CUX2: variants seen among roughly 807,000 people sequenced by gnomAD.
CUX2 encodes cut like homeobox 2, also known as homeobox protein cut-like 2.
In CUX2, 40 loss-of-function variants were observed where a neutral mutation model predicts 144.8. The ratio of observed to expected loss-of-function variants is 0.28; its 90% CI spans 0.21 to 0.36. The LOEUF is 0.36. Ranked by LOEUF, CUX2 falls within the 10% of genes least tolerant of loss-of-function variation. The probability of loss-of-function intolerance (pLI) is 1.00; values close to 1 mark genes in which losing one functional copy is unlikely to be tolerated. For synonymous variants in CUX2, 827 were observed against 875.6 expected (o/e 0.94, Z 0.98); for missense variants, 1,615 against 1,994.0 (o/e 0.81, Z 3.62).
chr12:111,063,515 C>G (rs535104710), intron 1 of CUX2, among the ~76,000 whole-genome samples: 2 of 152,348 alleles, frequency 1.3e-5, no homozygotes, highest in South Asian at 4.1e-4. Flanking sequence ...GCGGCACCAT[C>G]GCCTCCCACA....
chr12:111,182,953 G>A (rs908337630), intron 1 of CUX2, among the ~76,000 whole-genome samples: 3 of 152,150 alleles, frequency 2.0e-5, no homozygotes, highest in South Asian at 2.1e-4. Flanking sequence ...CAACTGCCCC[G>A]GATCCTGTAC....
intron 1 of CUX2, among the ~76,000 whole-genome samples, chr12:111,159,889 G>A (rs1361720613): frequency 6.6e-6 from 1 of 152,186 alleles, no homozygotes; most frequent in Non-Finnish European, 1.5e-5. Context: ...GCCAGGGAGG[G>A]TGATGCACAC....
intron 21 of CUX2, among the ~76,000 whole-genome samples, chr12:111,345,006 T>C (rs1888730193): frequency 6.6e-6 from 1 of 152,088 alleles, no homozygotes; most frequent in South Asian, 2.1e-4. Flanking sequence ...TGACCTCAAG[T>C]GATCCACCTG....
intron 1 of CUX2, among the ~76,000 whole-genome samples, chr12:111,108,401 A>C (rs1290929865): frequency 6.6e-6 from 1 of 152,194 alleles, no homozygotes; most frequent in Non-Finnish European, 1.5e-5. Context: ...TCTTTTGCCC[A>C]ATAATTTTAG....
chr12:111,083,457 G>A (rs1427531614), intron 1 of CUX2, among the ~76,000 whole-genome samples: 1 of 152,140 alleles, frequency 6.6e-6, no homozygotes, highest in Non-Finnish European at 1.5e-5. Context: ...GAGTCCTTTG[G>A]GGTGAGTGGA....
intron 1 of CUX2, among the ~76,000 whole-genome samples, chr12:111,087,045 C>T (rs545340146): frequency 2.6e-5 from 4 of 152,090 alleles, no homozygotes; most frequent in Admixed American, 6.5e-5. Context: ...GTTATTCTAC[C>T]GTAACAAGGG....
chr12:111,257,169 G>A (rs1348161044), intron 3 of CUX2, among the ~76,000 whole-genome samples: 1 of 152,024 alleles, frequency 6.6e-6, no homozygotes, highest in Non-Finnish European at 1.5e-5. Flanking sequence ...TCTTGAGGGT[G>A]TCTGTGGATG....
intron 3 of CUX2, among the ~76,000 whole-genome samples, chr12:111,260,033 G>T (rs1347454787): frequency 6.6e-6 from 1 of 151,664 alleles, no homozygotes; most frequent in African/African-American, 2.4e-5. Flanking sequence ...CGTGGTGGTG[G>T]GCACCTGTAA....
At chr12:111,117,882 A>G (rs1231558477) in intron 1 of CUX2, among the ~76,000 whole-genome samples, 1 of 152,188 alleles carries the variant, frequency 6.6e-6, no homozygotes. Context: ...CAGAACCCAT[A>G]TTATAATAAC....
At chr12:111,135,055 G>C (rs992400672) in intron 1 of CUX2, among the ~76,000 whole-genome samples, 5 of 152,280 alleles carry the variant, frequency 3.3e-5, no homozygotes, top group South Asian at 2.1e-4. Context: ...GGGGACTGTT[G>C]ATTGAGCACC....
At chr12:111,250,620 C>T (rs1324484543) in intron 3 of CUX2, among the ~76,000 whole-genome samples, 4 of 152,172 alleles carry the variant, frequency 2.6e-5, no homozygotes, top group Admixed American at 6.5e-5. Flanking sequence ...TCATCAGTTG[C>T]ACACAGGGGG....
chr12:111,107,610 C>T (rs1042439271), intron 1 of CUX2, among the ~76,000 whole-genome samples: 2 of 152,178 alleles, frequency 1.3e-5, no homozygotes, highest in African/African-American at 2.4e-5. Flanking sequence ...GCAGAATGCC[C>T]GTCCTCTAGG....
At chr12:111,345,672 C>A (rs1419487562) in intron 21 of CUX2, among the ~76,000 whole-genome samples, 1 of 144,254 alleles carries the variant, frequency 6.9e-6, no homozygotes, top group African/African-American at 2.6e-5. Context: ...AACCCGGGAG[C>A]TTGCGGTGAG....
Position 111,310,435 on chromosome 12 carries a change from G to A in CUX2, c.1653G>A (p.Glu551=), listed in dbSNP as rs1472063770. Reference sequence around the variant, plus strand: ...CGGCGGGGCCCGGGGCAGAGGAGGAGCAGCTGGACACGGCAGAGATCGCCT... The same window carrying A: ...CGGCGGGGCCCGGGGCAGAGGAGGAACAGCTGGACACGGCAGAGATCGCCT... ...GGAAGPGAEE[E]QLDTAEIAFQ... Residue 551 remains glutamate (E), a synonymous_variant, in exon 15 of 22, where the codon GAG becomes GAA. Coordinates refer to ENST00000261726, the MANE Select transcript of CUX2 (RefSeq NM_015267.4). This position sits in a 1 kb window ranked among gnomAD's most constrained non-coding sequence, Gnocchi z 7.9. 1 of 1,612,864 alleles carries A rather than the reference G, an allele frequency of 6.2e-7. No homozygotes were observed. The highest frequency in any genetic ancestry group is 8.5e-7 in the Non-Finnish European group (1 of 1,179,838).
chr12:111,167,289 T>C (rs1878207225), intron 1 of CUX2, among the ~76,000 whole-genome samples: 1 of 152,090 alleles, frequency 6.6e-6, no homozygotes, highest in Non-Finnish European at 1.5e-5. Flanking sequence ...GTTCCCTATT[T>C]CCATCGAGAT....
intron 1 of CUX2, among the ~76,000 whole-genome samples, chr12:111,180,565 G>A (rs1456602931): frequency 3.3e-5 from 5 of 152,244 alleles, no homozygotes; most frequent in Non-Finnish European, 7.3e-5. Flanking sequence ...AAGGTTAGGG[G>A]ACACACAGTT....
chr12:111,207,958 CTG>C (rs1409942128), intron 1 of CUX2, among the ~76,000 whole-genome samples: 1 of 152,096 alleles, frequency 6.6e-6, no homozygotes, highest in Non-Finnish European at 1.5e-5. Context: ...GGAAAGGAGA[CTG>C]TGGAACCACG....
intron 1 of CUX2, among the ~76,000 whole-genome samples, chr12:111,177,401 AT>A (rs558467932): frequency 1.3e-3 from 189 of 150,814 alleles, no homozygotes; most frequent in South Asian, 0.011. Flanking sequence ...GACAAGGATG[AT>A]TTTTTTTTAG....
intron 18 of CUX2, among the ~76,000 whole-genome samples, chr12:111,333,335 C>T (rs1888202737): frequency 6.6e-6 from 1 of 152,076 alleles, no homozygotes; most frequent in Non-Finnish European, 1.5e-5. Flanking sequence ...AGTGAGTTAT[C>T]ACCAAGCCAC....
Sources: allele counts gnomAD v4.1 joint callset (sites outside exome capture counted in the v4.1 genomes callset), GRCh38; gene constraint gnomAD v4.1.1; non-coding constraint Gnocchi (gnomAD v3.1); transcripts MANE v1.5; gene names NCBI Gene and HGNC (gene_info 2026-07-23, HGNC 2026-07-21).